SH3BGR: variants seen among roughly 807,000 people sequenced by gnomAD.
SH3BGR encodes SH3 domain-binding glutamic acid-rich protein.
SH3BGR carries 29 observed loss-of-function variants against 24.5 expected under a neutral mutation model. That is an observed-to-expected ratio of 1.18 (90% CI 0.88 to 1.61). SH3BGR has a LOEUF of 1.61. Among genes scored for constraint, SH3BGR ranks in the 40% most tolerant of loss-of-function variants. The pLI, the probability that SH3BGR is intolerant of heterozygous loss-of-function variation, is 0.00. For synonymous variants in SH3BGR, 55 were observed against 65.7 expected, an observed-to-expected ratio of 0.84 and a Z score of 0.79; for missense variants, 162 against 205.8, an observed-to-expected ratio of 0.79 and a Z score of 1.30.
chr21:39,457,115 C>T (rs1419012755), intron 1 of SH3BGR, among the ~76,000 whole-genome samples: 1 of 145,474 alleles, frequency 6.9e-6, no homozygotes, highest in African/African-American at 2.5e-5. Flanking sequence ...ATATTATATA[C>T]CATATATAAT....
intron 6 of SH3BGR, among the ~76,000 whole-genome samples, chr21:39,513,550 A>G (rs377527894): frequency 2.3e-4 from 35 of 152,270 alleles, no homozygotes; most frequent in African/African-American, 8.2e-4. Context: ...TGCTTGAATG[A>G]GAAAGTGATT....
chr21:39,447,773 G>A (rs371138866), upstream of SH3BGR, among the ~76,000 whole-genome samples: 44 of 152,216 alleles, frequency 2.9e-4, no homozygotes, highest in South Asian at 8.7e-3. Context: ...GGAAGGAGAA[G>A]AGCCATGGCC....
rs759299233 is a variant in SH3BGR, at chr21:39,462,517, T to TA, written c.188_189insA (p.Pro64SerfsTer9). 10 of 1,605,002 alleles carry TA rather than the reference T, an allele frequency of 6.2e-6. No homozygotes were observed. In the South Asian group the frequency reaches 1.0e-4, roughly 16 times the overall value. ...GGAGAGAAAAAACCTCAAAATGGGA[T>TA]TCCTTTGCCTCCCCAGATCTTCAAT... is the stretch of plus-strand genomic sequence containing the variant. On this transcript the variant is annotated frameshift_variant, in exon 2 of 7. Transcript: ENST00000333634. LOFTEE classifies it high-confidence loss of function.
intron 1 of SH3BGR, among the ~76,000 whole-genome samples, chr21:39,460,947 C>G (rs1398332304): frequency 6.6e-6 from 1 of 152,076 alleles, no homozygotes; most frequent in African/African-American, 2.4e-5. Context: ...GCCACATTGT[C>G]TGGCCTCTTT....
chr21:39,478,167 C>T (rs578232494), intron 3 of SH3BGR, among the ~76,000 whole-genome samples: 1 of 152,092 alleles, frequency 6.6e-6, no homozygotes, highest in African/African-American at 2.4e-5. Context: ...TCAAATATTA[C>T]ATATATGATA....
chr21:39,456,583 T>TTTCCATGCGGGGTAGCAGA, intron 1 of SH3BGR, among the ~76,000 whole-genome samples: 1 of 151,992 alleles, frequency 6.6e-6, no homozygotes, highest in Non-Finnish European at 1.5e-5. Flanking sequence ...GGGGTAGCAG[T>TTTCCATGCGGGGTAGCAGA]TTCCATGCGG....
chr21:39,452,874 G>A (rs1385902583), intron 1 of SH3BGR, among the ~76,000 whole-genome samples: 1 of 152,228 alleles, frequency 6.6e-6, no homozygotes, highest in East Asian at 1.9e-4. Context: ...CTTTGGAAAT[G>A]GGTCAGACTT....
chr21:39,457,073 T>G (rs1028655086), intron 1 of SH3BGR, among the ~76,000 whole-genome samples: 2 of 148,176 alleles, frequency 1.3e-5, no homozygotes, highest in African/African-American at 2.5e-5. Flanking sequence ...ATATAAAATT[T>G]AAAAAAATTA....
At position 39,493,221 on chromosome 21, in the gene SH3BGR, T is replaced by C. The variant is rs541345041; in HGVS notation, c.313-6602T>C. Among the ~76,000 whole-genome samples, 24 of 152,302 alleles carry C rather than the reference T, an allele frequency of 1.6e-4. No homozygotes were observed. The South Asian group carries it at 4.3e-3, about 28-fold the overall frequency. ...TCAATGTCTACAAGGGTTTTTCTGA[T>C]GTTATCTTCTAGAATTTTTATAGTT... On this transcript the variant is annotated intron_variant, in intron 3 of 6. Transcript: ENST00000333634.
In SH3BGR at chr21:39,452,076, G is replaced by C; in HGVS notation, c.-21G>C. The C allele has an allele frequency of 6.2e-7, 1 of 1,614,124 alleles. No homozygotes were observed. Among genetic ancestry groups the C allele is most frequent in the Non-Finnish European group, 8.5e-7 (1 of 1,179,998 alleles). ...CCCTGACAGGGGTGTGTTGGGGGGA[G>C]TCCTCTTTCCAACTGTCGAAATGGT... On this transcript the variant is annotated 5_prime_UTR_variant, in exon 1 of 7. Transcript: ENST00000333634.
intron 1 of SH3BGR, among the ~76,000 whole-genome samples, chr21:39,461,155 T>G (rs1408180785): frequency 2.2e-5 from 3 of 138,680 alleles, no homozygotes; most frequent in South Asian, 4.6e-4. Context: ...TTTTTTTTTT[T>G]GCGACAGTTT....
At chr21:39,451,861 T>C (rs1456066100), upstream of SH3BGR, 1 of 1,593,016 alleles carries the variant, frequency 6.3e-7, no homozygotes, top group Non-Finnish European at 8.6e-7. Flanking sequence ...AATATTTTCC[T>C]GACAGATCCC....
Position 39,452,029 on chromosome 21 carries a change from A to G in SH3BGR, c.-68A>G, listed in dbSNP as rs146789172. On this transcript the variant is annotated 5_prime_UTR_variant, in exon 1 of 7. Transcript: ENST00000333634. ...GCACTTGCTTGCCTGTGTCACTGTC[A>G]GGATTTGTCTAGCGGCGCATTCCCT... The G allele has an allele frequency of 3.7e-6, 6 of 1,614,008 alleles. No homozygotes were observed. The highest frequency in any genetic ancestry group is 5.1e-6 in the Non-Finnish European group (6 of 1,180,026).
At chr21:39,473,297 A>G (rs2077971952) in intron 2 of SH3BGR, among the ~76,000 whole-genome samples, 1 of 152,174 alleles carries the variant, frequency 6.6e-6, no homozygotes, top group African/African-American at 2.4e-5. Flanking sequence ...AGAACTTTAT[A>G]TATGGAATTT....
chr21:39,457,816 C>T (rs1049890237), intron 1 of SH3BGR, among the ~76,000 whole-genome samples: 1 of 151,610 alleles, frequency 6.6e-6, no homozygotes, highest in Non-Finnish European at 1.5e-5. Context: ...GCCAGCTATT[C>T]GGGAGGCTGA....
chr21:39,493,145 G>A (rs373707691), intron 3 of SH3BGR, among the ~76,000 whole-genome samples: 94 of 152,202 alleles, frequency 6.2e-4, no homozygotes, highest in African/African-American at 2.3e-3. Flanking sequence ...ATTTATCTTT[G>A]TTTTTATTGC....
chr21:39,453,173 G>A (rs754705628), intron 1 of SH3BGR, among the ~76,000 whole-genome samples: 2 of 152,148 alleles, frequency 1.3e-5, no homozygotes, highest in Non-Finnish European at 2.9e-5. Context: ...AGCCCCGAAA[G>A]TTCATGAGGT....
chr21:39,489,639 C>T (rs970228944), intron 3 of SH3BGR, among the ~76,000 whole-genome samples: 7 of 152,224 alleles, frequency 4.6e-5, no homozygotes, highest in African/African-American at 1.7e-4. Context: ...AGTTTAGATA[C>T]TGGCAGTCAG....
intron 1 of SH3BGR, among the ~76,000 whole-genome samples, chr21:39,452,484 A>G (rs768168175): frequency 6.6e-6 from 1 of 152,224 alleles, no homozygotes; most frequent in African/African-American, 2.4e-5. Flanking sequence ...GGCTTAAACT[A>G]ATTTAAAATT....
Sources: gnomAD v4.1 joint callset for allele counts (sites outside exome capture counted in the v4.1 genomes callset) on GRCh38, gnomAD v4.1.1 for gene constraint, MANE v1.5 for transcripts, NCBI Gene and HGNC (gene_info 2026-07-23, HGNC 2026-07-21) for gene names.